RBFOX1: variants seen among roughly 807,000 people sequenced by gnomAD.
The protein encoded by RBFOX1 is RNA binding fox-1 homolog 1, also known as RNA binding protein fox-1 homolog 1.
In RBFOX1, 8 loss-of-function variants were observed where a neutral mutation model predicts 57.7. That is an observed-to-expected ratio of 0.14 (90% CI 0.08 to 0.25). The LOEUF (loss-of-function observed/expected upper bound fraction) is 0.25. Among genes scored for constraint, RBFOX1 ranks in the 10% least tolerant of loss-of-function variants. The probability of loss-of-function intolerance (pLI) is 1.00; values close to 1 mark genes in which losing one functional copy is unlikely to be tolerated. For synonymous variants in RBFOX1, 326 were observed against 222.4 expected (o/e 1.47, Z -4.15); for missense variants, 611 against 548.5 (o/e 1.11, Z -1.14).
intron 3 of RBFOX1, among the ~76,000 whole-genome samples, chr16:6,826,618 T>C (rs1173455580): frequency 6.6e-6 from 1 of 152,098 alleles, no homozygotes; most frequent in African/African-American, 2.4e-5. Flanking sequence ...CCTCTTGACA[T>C]TTTCCTTTCT....
intron 4 of RBFOX1, among the ~76,000 whole-genome samples, chr16:7,056,536 C>T (rs775697770): frequency 6.6e-6 from 1 of 152,118 alleles, no homozygotes; most frequent in Admixed American, 6.5e-5. Context: ...TTTACCTCTC[C>T]AGCATCTGCA....
rs538871435 is a variant in RBFOX1 at position 5,818,661 on chromosome 16, G to A, written c.319-48642G>A. On this transcript the variant is annotated intron_variant, in intron 3 of 19. Transcript: ENST00000641259. ...ATAGGACCCTTGTTTTCAAAAAGTTGTCAGCATGGGAGGAAGAAAACAGAG... is the reference window on the plus strand; with the variant it reads ...ATAGGACCCTTGTTTTCAAAAAGTTATCAGCATGGGAGGAAGAAAACAGAG... 2.6e-5 allele frequency among the ~76,000 whole-genome samples: 4 copies of A among 152,318 alleles called. No individual in the cohort carries two copies. The East Asian group carries it at 7.7e-4, about 29-fold the overall frequency.
At chr16:6,260,563 A>G (rs138913875) in intron 1 of RBFOX1, among the ~76,000 whole-genome samples, 2 of 152,290 alleles carry the variant, frequency 1.3e-5, no homozygotes, top group East Asian at 1.9e-4. Flanking sequence ...ATCTGTATTA[A>G]GATATATATA....
chr16:6,713,286 A>G lies in RBFOX1; in HGVS notation c.-16+58636A>G, dbSNP rs1284390648. 2.0e-5 allele frequency among the ~76,000 whole-genome samples: 3 copies of G among 152,176 alleles called. No homozygotes were observed. The East Asian group carries it at 5.8e-4, about 29-fold the overall frequency. On this transcript the variant is annotated intron_variant, in intron 3 of 15. Coordinates refer to ENST00000550418, the MANE Select transcript of RBFOX1 (RefSeq NM_018723.4). Reference sequence around the variant, plus strand: ...TGGGTTTTTGTTTGTTTGTGTAATAATAACAGTCCCCCATTGCTCACAGGA... The same window carrying G: ...TGGGTTTTTGTTTGTTTGTGTAATAGTAACAGTCCCCCATTGCTCACAGGA...
intron 3 of RBFOX1, among the ~76,000 whole-genome samples, chr16:5,865,571 C>T (rs1428363088): frequency 6.6e-6 from 1 of 152,156 alleles, no homozygotes; most frequent in Non-Finnish European, 1.5e-5. Context: ...CATCTGATGC[C>T]TTGGGAGTGA....
intron 1 of RBFOX1, among the ~76,000 whole-genome samples, chr16:5,377,937 G>A (rs1345127755): frequency 6.6e-6 from 1 of 151,622 alleles, no homozygotes; most frequent in Non-Finnish European, 1.5e-5. Flanking sequence ...CCACTAATGG[G>A]AGCCTATTCA....
At chr16:6,107,683 A>AGGTG (rs1463051464) in intron 1 of RBFOX1, among the ~76,000 whole-genome samples, 1 of 93,438 alleles carries the variant, frequency 1.1e-5, no homozygotes, top group African/African-American at 4.2e-5. Flanking sequence ...GTGGATGGAT[A>AGGTG]GGTGGGTGGG....
chr16:7,206,874 G>A (rs1950670590), intron 4 of RBFOX1, among the ~76,000 whole-genome samples: 1 of 152,102 alleles, frequency 6.6e-6, no homozygotes, highest in South Asian at 2.1e-4. Flanking sequence ...TGGAGAGGCT[G>A]GAGAAACCGT....
intron 2 of RBFOX1, among the ~76,000 whole-genome samples, chr16:6,632,118 A>T (rs1196477568): frequency 6.6e-6 from 1 of 152,100 alleles, no homozygotes; most frequent in Non-Finnish European, 1.5e-5. Flanking sequence ...TCCCTTGTTA[A>T]TTGTGTGTCC....
chr16:6,229,728 T>G (rs1053011050), intron 1 of RBFOX1, among the ~76,000 whole-genome samples: 11 of 152,114 alleles, frequency 7.2e-5, no homozygotes, highest in Non-Finnish European at 1.5e-5. Context: ...AAAATAAGAT[T>G]TTCTTTGCTT....
intron 10 of RBFOX1, among the ~76,000 whole-genome samples, chr16:7,622,002 C>G (rs574319591): frequency 1.3e-5 from 2 of 152,252 alleles, no homozygotes; most frequent in Admixed American, 6.5e-5. Flanking sequence ...TTTCACTAGT[C>G]AAATGTTACT....
At chr16:7,045,822 A>T (rs1251087941) in intron 3 of RBFOX1, among the ~76,000 whole-genome samples, 1 of 151,648 alleles carries the variant, frequency 6.6e-6, no homozygotes, top group Non-Finnish European at 1.5e-5. Flanking sequence ...CGTGTGGCTA[A>T]TTTTTTTGTA....
chr16:5,817,920 G>A (rs1291863911), intron 3 of RBFOX1, among the ~76,000 whole-genome samples: 3 of 151,954 alleles, frequency 2.0e-5, no homozygotes, highest in Non-Finnish European at 2.9e-5. Context: ...TCGATCTCCT[G>A]ACCTCATGTT....
Position 6,167,163 on chromosome 16 carries a change from A to G in RBFOX1, c.-127+147171A>G, listed in dbSNP as rs550930672. On this transcript the variant is annotated intron_variant, in intron 1 of 15. Transcript: ENST00000550418. ...CGTTGTGTTGCTAAAAGAAGGGCAA[A>G]GGGTGTTGGATGGGAAGAGCCGAAA... is the stretch of plus-strand genomic sequence containing the variant. Among the ~76,000 whole-genome samples, 253 of 152,330 alleles carry G rather than the reference A, an allele frequency of 1.7e-3. 1 individual carries two copies. Among genetic ancestry groups the G allele is most frequent in the African/African-American group, 6.0e-3 (248 of 41,578 alleles).
intron 2 of RBFOX1, among the ~76,000 whole-genome samples, chr16:6,451,481 A>G (rs2094621675): frequency 6.6e-6 from 1 of 152,150 alleles, no homozygotes; most frequent in South Asian, 2.1e-4. Flanking sequence ...CACTCGGGCC[A>G]AAATCCAGTT....
At chr16:5,492,905 G>A (rs191860909) in intron 2 of RBFOX1, among the ~76,000 whole-genome samples, 6 of 152,292 alleles carry the variant, frequency 3.9e-5, no homozygotes, top group East Asian at 3.9e-4. Flanking sequence ...GATGTTCTTC[G>A]TATTCGTTGT....
intron 3 of RBFOX1, among the ~76,000 whole-genome samples, chr16:7,048,936 T>G (rs1568535083): frequency 6.6e-6 from 1 of 152,202 alleles, no homozygotes; most frequent in African/African-American, 2.4e-5. Context: ...TGGATTTGTT[T>G]CCAATATCAG....
At chr16:6,359,946 C>G (rs995550934) in intron 2 of RBFOX1, among the ~76,000 whole-genome samples, 1 of 152,110 alleles carries the variant, frequency 6.6e-6, no homozygotes, top group Non-Finnish European at 1.5e-5. Flanking sequence ...TGATCTATGT[C>G]CTCCGTGATT....
chr16:6,958,055 T>A (rs932115717), intron 3 of RBFOX1, among the ~76,000 whole-genome samples: 5 of 152,066 alleles, frequency 3.3e-5, no homozygotes, highest in African/African-American at 1.2e-4. Context: ...CGAGGGGCCA[T>A]CTTTGGAGAC....
Sources: gnomAD v4.1 joint callset for allele counts (sites outside exome capture counted in the v4.1 genomes callset) on GRCh38, gnomAD v4.1.1 for gene constraint, MANE v1.5 for transcripts, NCBI Gene and HGNC (gene_info 2026-07-23, HGNC 2026-07-21) for gene names.